Variants in ZNF695 observed in about 807,000 individuals in gnomAD.
ZNF695 encodes the protein zinc finger protein 695, also known as zinc finger protein SBZF3.
In ZNF695, 11 loss-of-function variants were observed where a neutral mutation model predicts 11.2. The ratio of observed to expected loss-of-function variants is 0.98; its 90% CI spans 0.62 to 1.62. The LOEUF (loss-of-function observed/expected upper bound fraction) is 1.62, where lower values mean the gene tolerates loss of function less well. Ranked by LOEUF, ZNF695 falls within the 40% of genes most tolerant of loss-of-function variation. ZNF695 has a pLI of 0.00. For missense variants in ZNF695, 559 were observed against 590.5 expected (o/e 0.95, Z 0.55); for synonymous variants, 190 against 201.4 (o/e 0.94, Z 0.48).
chr1:246,947,196 T>TGG lies in ZNF695; in HGVS notation c.489-1371_489-1370dup, dbSNP rs370864357. The stretch of plus-strand genomic sequence containing the variant: ...GGGTGATAGGGTTTTTTATTTTTTT[T>TGG]GGGGGGGTGGTTTTTTTTTTAGAGA... On this transcript the variant is annotated intron_variant, in intron 5 of 5. Coordinates refer to the ZNF695 transcript ENST00000487338. 3.1e-3 allele frequency among the ~76,000 whole-genome samples: 388 copies of TGG among 124,932 alleles called. 2 individuals carry two copies. The highest frequency in any genetic ancestry group is 0.01 in the African/African-American group (344 of 33,766). 82.0% of individuals were successfully genotyped at this position (124,932 alleles called of 152,430 possible).
chr1:246,946,944 A>G (rs927798341), intron 5 of ZNF695, among the ~76,000 whole-genome samples: 1 of 152,066 alleles, frequency 6.6e-6, no homozygotes, highest in African/African-American at 2.4e-5. Flanking sequence ...GATCAAGACC[A>G]TCCTGGTTAA....
chr1:246,969,185 T>A (rs939156008), intron 4 of ZNF695: 1 of 152,248 alleles, frequency 6.6e-6, no homozygotes, highest in Non-Finnish European at 1.5e-5. Flanking sequence ...AGATAATCTC[T>A]TTCCTCAGAA....
At chr1:246,960,995 C>T (rs1435969280) in intron 5 of ZNF695, among the ~76,000 whole-genome samples, 1 of 152,098 alleles carries the variant, frequency 6.6e-6, no homozygotes, top group East Asian at 1.9e-4. Flanking sequence ...GTCTTTTGAG[C>T]TCAAAAATGT....
At chr1:246,992,020 C>T (rs752440540) in intron 3 of ZNF695, among the ~76,000 whole-genome samples, 1 of 152,030 alleles carries the variant, frequency 6.6e-6, no homozygotes, top group African/African-American at 2.4e-5. Context: ...AACGTGTAGC[C>T]GGGCGTGGTG....
intron 5 of ZNF695, among the ~76,000 whole-genome samples, chr1:246,960,979 A>G (rs2103005355): frequency 6.6e-6 from 1 of 152,318 alleles, no homozygotes; most frequent in Admixed American, 6.5e-5. Flanking sequence ...TAAAGAATCT[A>G]TGAAGGTCTT....
chr1:246,983,363 T>TA (rs979369548), downstream of ZNF695, among the ~76,000 whole-genome samples: 5 of 151,298 alleles, frequency 3.3e-5, no homozygotes, highest in African/African-American at 7.3e-5. Context: ...TACAAAACAA[T>TA]AAAAAAAATT....
chr1:246,962,696 CT>C (rs1380105431), intron 5 of ZNF695, among the ~76,000 whole-genome samples: 373 of 143,766 alleles, frequency 2.6e-3, no homozygotes, highest in African/African-American at 5.1e-3. Flanking sequence ...TGAAACCTTT[CT>C]TTTTTTTTTT....
rs1668620659 is a variant in ZNF695, at chr1:246,978,377, T to C, written c.390+9748A>G. On this transcript the variant is annotated intron_variant, in intron 4 of 5. Transcript: ENST00000487338. ...ACAACAGTGAGAATGTAATATTCAA[T>C]CCCATAATCAAACATAACCTGTTAA... 1.3e-5 allele frequency among the ~76,000 whole-genome samples: 2 copies of C among 152,240 alleles called. 1 individual carries two copies. The highest frequency in any genetic ancestry group is 1.3e-4 in the Admixed American group (2 of 15,290).
intron 1 of ZNF695, among the ~76,000 whole-genome samples, chr1:247,000,297 G>C (rs1669326456): frequency 6.6e-6 from 1 of 152,112 alleles, no homozygotes; most frequent in South Asian, 2.1e-4. Context: ...ACCAGGTCAG[G>C]AGTTCAAGAC....
rs1187549235 is a variant in ZNF695, at chr1:246,999,367, C to T, written c.240G>A (p.Glu80=). ...ACCTACCTGAGTGTCTGGCTGTCTTCTCTGTGTTCACGTTCCAGGGCTCTT... is the reference window on the plus strand; with the variant it reads ...ACCTACCTGAGTGTCTGGCTGTCTTTTCTGTGTTCACGTTCCAGGGCTCTT... The part of the protein sequence containing the change: ...ARKEPWNVNT[E]KTARHSVLSS... The change falls in exon 3 of 4, where the codon GAG becomes GAA. Residue 80 remains glutamate, a synonymous_variant. Transcript: ENST00000339986. 1 of 1,613,980 alleles carries T rather than the reference C, an allele frequency of 6.2e-7. No individual in the cohort carries two copies.
At chr1:246,982,832 C>A (rs942622829), downstream of ZNF695, among the ~76,000 whole-genome samples, 2 of 151,982 alleles carry the variant, frequency 1.3e-5, no homozygotes, top group African/African-American at 4.8e-5. Context: ...CCGTACAACT[C>A]TTACATATTT....
intron 3 of ZNF695, among the ~76,000 whole-genome samples, chr1:246,991,762 C>T (rs1286138581): frequency 6.6e-6 from 1 of 152,282 alleles, no homozygotes; most frequent in Non-Finnish European, 1.5e-5. Flanking sequence ...AGCAATCCCA[C>T]TGCATATGTA....
chr1:246,951,368 G>A lies in ZNF695; in HGVS notation c.489-5541C>T, dbSNP rs190691169. On this transcript the variant is annotated intron_variant, in intron 5 of 5. Coordinates refer to the ZNF695 transcript ENST00000487338. The stretch of plus-strand genomic sequence containing the variant: ...CAGAAGGGAAAACAGACACGGAGGG[G>A]AGATGGCCACGTCGAAGGTGGTGGA... Among the ~76,000 whole-genome samples, 15 of 152,330 alleles carry A rather than the reference G, an allele frequency of 9.8e-5. 1 individual carries two copies. The highest frequency in any genetic ancestry group is 9.8e-4 in the Admixed American group (15 of 15,300).
chr1:246,955,120 GA>G, intron 5 of ZNF695, among the ~76,000 whole-genome samples: 1 of 152,306 alleles, frequency 6.6e-6, no homozygotes. Flanking sequence ...CCACCATGAA[GA>G]TGTGCCTTTG....
intron 5 of ZNF695, among the ~76,000 whole-genome samples, chr1:246,965,150 G>A (rs1417729098): frequency 4.0e-5 from 6 of 151,408 alleles, no homozygotes; most frequent in Non-Finnish European, 5.9e-5. Context: ...GGCAGATCAC[G>A]AGGTCAGAAG....
At chr1:246,963,613 A>C (rs1239142062) in intron 5 of ZNF695, among the ~76,000 whole-genome samples, 2 of 152,190 alleles carry the variant, frequency 1.3e-5, no homozygotes, top group African/African-American at 4.8e-5. Context: ...GTGCCAGAGC[A>C]GGTGCGGGGG....
At chr1:246,996,568 T>G (rs1669216984) in intron 3 of ZNF695, among the ~76,000 whole-genome samples, 1 of 152,166 alleles carries the variant, frequency 6.6e-6, no homozygotes. Context: ...AATGGAATAT[T>G]ACTCAGCTTA....
At chr1:246,998,384 A>G (rs1347782292) in intron 3 of ZNF695, among the ~76,000 whole-genome samples, 1 of 152,260 alleles carries the variant, frequency 6.6e-6, no homozygotes, top group Non-Finnish European at 1.5e-5. Context: ...ATTAAACTAT[A>G]TAACAGCTGA....
At chr1:246,959,311 ATATATATATATATATATATATATAT>A (rs1668100748) in intron 5 of ZNF695, among the ~76,000 whole-genome samples, 1 of 20,966 alleles carries the variant, frequency 4.8e-5, no homozygotes, top group African/African-American at 2.5e-4. Context: ...AAAAAAAAAA[ATATATATATATATATATATATATAT>A]ATATATATAT....
Sources: gnomAD v4.1 joint callset for allele counts (sites outside exome capture counted in the v4.1 genomes callset) on GRCh38, gnomAD v4.1.1 for gene constraint, MANE v1.5 for transcripts, NCBI Gene and HGNC (gene_info 2026-07-23, HGNC 2026-07-21) for gene names.